Variants in SHC4 observed in about 807,000 individuals in gnomAD.
SHC4 encodes SHC-transforming protein 4.
SHC4 carries 41 observed loss-of-function variants against 69.4 expected under a neutral mutation model. That is an observed-to-expected ratio of 0.59 (90% confidence interval 0.46 to 0.77). The LOEUF (loss-of-function observed/expected upper bound fraction) is 0.77, where lower values mean the gene tolerates loss of function less well. SHC4 is among the 30% of genes least tolerant of loss of function. SHC4 has a pLI of 0.00. For missense variants in SHC4, 777 were observed against 783.8 expected (o/e 0.99, Z 0.10); for synonymous variants, 318 against 299.3 (o/e 1.06, Z -0.64).
intron 2 of SHC4, among the ~76,000 whole-genome samples, chr15:48,902,346 C>T (rs537874413): frequency 6.6e-6 from 1 of 152,084 alleles, no homozygotes; most frequent in East Asian, 1.9e-4. Context: ...TGTATAGTAA[C>T]GGATGGTATA....
chr15:48,925,193 G>A (rs1005242054), intron 1 of SHC4, among the ~76,000 whole-genome samples: 11 of 152,174 alleles, frequency 7.2e-5, no homozygotes, highest in African/African-American at 2.7e-4. Context: ...AAAGACAAAT[G>A]TGGGTTCAGT....
At chr15:48,958,719 G>A (rs889820160) in intron 1 of SHC4, among the ~76,000 whole-genome samples, 1 of 152,186 alleles carries the variant, frequency 6.6e-6, no homozygotes, top group African/African-American at 2.4e-5. Context: ...TCCCCACTAT[G>A]TTGGGCACCT....
chr15:48,941,407 G>A (rs553186142), intron 1 of SHC4, among the ~76,000 whole-genome samples: 1 of 152,314 alleles, frequency 6.6e-6, no homozygotes, highest in East Asian at 1.9e-4. Context: ...AGATGAGGCA[G>A]TGAACCGGTA....
At chr15:48,944,946 TAAG>T (rs1269647012) in intron 1 of SHC4, among the ~76,000 whole-genome samples, 1 of 152,228 alleles carries the variant, frequency 6.6e-6, no homozygotes, top group East Asian at 1.9e-4. Context: ...TAAGCATGGC[TAAG>T]AATACAAAAA....
At chr15:48,916,574 A>C (rs1441651637) in intron 2 of SHC4, among the ~76,000 whole-genome samples, 2 of 150,928 alleles carry the variant, frequency 1.3e-5, no homozygotes, top group Non-Finnish European at 1.5e-5. Context: ...AAAAAAAAAA[A>C]CACTACTCAG....
At chr15:48,841,367 A>G (rs1898985527) in intron 10 of SHC4, among the ~76,000 whole-genome samples, 1 of 152,180 alleles carries the variant, frequency 6.6e-6, no homozygotes. Context: ...AAAAATCTGA[A>G]TTTGTTTCAC....
At chr15:48,831,534 C>T (rs967591451) in intron 11 of SHC4, among the ~76,000 whole-genome samples, 3 of 152,188 alleles carry the variant, frequency 2.0e-5, no homozygotes, top group Admixed American at 6.5e-5. Context: ...AGTACACTAA[C>T]GTGCTGTATA....
intron 11 of SHC4, among the ~76,000 whole-genome samples, chr15:48,829,304 G>A (rs891354398): frequency 2.0e-5 from 3 of 152,054 alleles, no homozygotes; most frequent in South Asian, 2.1e-4. Context: ...TCTGTCTGGT[G>A]TTCTATCCAT....
chr15:48,942,613 A>G (rs1263406503), intron 1 of SHC4, among the ~76,000 whole-genome samples: 1 of 152,186 alleles, frequency 6.6e-6, no homozygotes, highest in Admixed American at 6.6e-5. Flanking sequence ...ATTATTTTTT[A>G]CATTGCTTGA....
rs1900528988 is a variant in SHC4, at chr15:48,912,602, T to A, written c.656+12277A>T. Among the ~76,000 whole-genome samples the A allele has an allele frequency of 3.3e-5, 5 of 152,324 alleles. No homozygotes were observed. In the South Asian group the frequency reaches 1.0e-3, roughly 32 times the overall value. ...ATTCTTTTTCAGGTAAATCATGGAT[T>A]TCTTCTTCGTTTGGATCCATTGCTG... On this transcript the variant is annotated intron_variant, in intron 2 of 11. Transcript: ENST00000332408.
chr15:48,831,710 A>AT (rs1898805511), intron 11 of SHC4, among the ~76,000 whole-genome samples: 1 of 152,198 alleles, frequency 6.6e-6, no homozygotes, highest in Non-Finnish European at 1.5e-5. Flanking sequence ...TATATGACTT[A>AT]TTTTTCACAT....
At chr15:48,846,259 A>G (rs922311980) in intron 9 of SHC4, among the ~76,000 whole-genome samples, 1 of 152,108 alleles carries the variant, frequency 6.6e-6, no homozygotes, top group Non-Finnish European at 1.5e-5. Context: ...TAACCTCTCT[A>G]AGACTCAGTT....
intron 1 of SHC4, among the ~76,000 whole-genome samples, chr15:48,931,916 G>T (rs138641655): frequency 0.019 from 2,843 of 151,396 alleles, 34 homozygotes; most frequent in Middle Eastern, 0.048. Context: ...GACATACTCT[G>T]CCCCAGAGAA....
intron 9 of SHC4, among the ~76,000 whole-genome samples, chr15:48,844,800 A>G (rs1899056625): frequency 6.6e-6 from 1 of 152,110 alleles, no homozygotes; most frequent in African/African-American, 2.4e-5. Context: ...GTTCCGCTGC[A>G]CAAGCTCTTT....
chr15:48,948,613 T>C (rs1365272678), intron 1 of SHC4, among the ~76,000 whole-genome samples: 2 of 152,218 alleles, frequency 1.3e-5, no homozygotes, highest in African/African-American at 4.8e-5. Context: ...AAGCAGATAG[T>C]AAACACACTG....
chr15:48,838,456 T>C (rs7171723), intron 10 of SHC4, among the ~76,000 whole-genome samples: 128,630 of 152,160 alleles, frequency 0.85, 54,581 homozygotes, highest in East Asian at 1. Flanking sequence ...GTATGAAAAC[T>C]CTAAAATAAA....
chr15:48,911,527 G>A (rs558523457), intron 2 of SHC4, among the ~76,000 whole-genome samples: 1 of 152,236 alleles, frequency 6.6e-6, no homozygotes, highest in Admixed American at 6.5e-5. Flanking sequence ...CTGCAGTTGT[G>A]TGTCTTTTAA....
chr15:48,885,766 G>A (rs1900024115), intron 3 of SHC4, among the ~76,000 whole-genome samples: 1 of 152,156 alleles, frequency 6.6e-6, no homozygotes, highest in African/African-American at 2.4e-5. Flanking sequence ...AGTGCAAACA[G>A]TGTGAGGAAG....
chr15:48,941,351 A>G (rs1338306530), intron 1 of SHC4, among the ~76,000 whole-genome samples: 1 of 152,222 alleles, frequency 6.6e-6, no homozygotes, highest in East Asian at 1.9e-4. Flanking sequence ...TCAGTGGAGT[A>G]GTCAACGTAG....
Sources: allele counts gnomAD v4.1 joint callset (sites outside exome capture counted in the v4.1 genomes callset), GRCh38; gene constraint gnomAD v4.1.1; transcripts MANE v1.5; gene names NCBI Gene and HGNC (gene_info 2026-07-23, HGNC 2026-07-21).